ANO9: variants seen among roughly 807,000 people sequenced by gnomAD.
The protein encoded by ANO9 is anoctamin 9, also known as anoctamin-9.
Under a neutral mutation model 100.5 loss-of-function variants are expected in ANO9, and 80 were observed. The observed-to-expected ratio is 0.80, with a 90% CI of 0.66 to 0.96. ANO9 has a LOEUF of 0.96. Ranked by LOEUF, ANO9 falls within the 40% of genes least tolerant of loss-of-function variation. The pLI is 0.00. For synonymous variants in ANO9, 473 were observed against 435.6 expected (o/e 1.09, Z -1.07); for missense variants, 1,064 against 1,072.7 (o/e 0.99, Z 0.11).
chr11:440,220 A>T (rs1201739812), intron 1 of ANO9, among the ~76,000 whole-genome samples: 1 of 152,172 alleles, frequency 6.6e-6, no homozygotes, highest in Non-Finnish European at 1.5e-5. Flanking sequence ...AACTGAGTCC[A>T]GGGACTCAGT....
At chr11:438,147 G>A (rs1202094822) in intron 1 of ANO9, among the ~76,000 whole-genome samples, 1 of 152,038 alleles carries the variant, frequency 6.6e-6, no homozygotes, top group Non-Finnish European at 1.5e-5. Context: ...TCTGCAAACA[G>A]CAGGATCAGC....
At position 429,733 on chromosome 11, in the gene ANO9, G is replaced by A. The variant is rs770446555; in HGVS notation, c.832+25C>T. Reference sequence around the variant, plus strand: ...TTGGGCTGGCACTTCCCCTGGCCCCGCAGAGGCGTCCCGCAGCAACTCACC... The same window carrying A: ...TTGGGCTGGCACTTCCCCTGGCCCCACAGAGGCGTCCCGCAGCAACTCACC... On this transcript the variant is annotated intron_variant, in intron 10 of 22. Coordinates refer to ENST00000332826, the MANE Select transcript of ANO9 (RefSeq NM_001012302.3). 6.0e-5 allele frequency: 96 copies of A among 1,611,484 alleles called. No homozygotes were observed. In the South Asian group the frequency reaches 9.0e-4, roughly 15 times the overall value.
intron 1 of ANO9, among the ~76,000 whole-genome samples, chr11:441,418 G>A (rs1452781569): frequency 1.3e-5 from 2 of 152,248 alleles, no homozygotes; most frequent in East Asian, 3.9e-4. Flanking sequence ...CACCTGTGCT[G>A]GGCGGGGTCC....
intron 20 of ANO9, chr11:419,218 T>A (rs1848027624): frequency 7.0e-7 from 1 of 1,427,694 alleles, no homozygotes; most frequent in East Asian, 2.5e-5. Flanking sequence ...TGCCAGAGAC[T>A]GGCCCTGGGG....
chr11:433,160 A>G, intron 4 of ANO9, 154 bp downstream of exon 4: 1 of 986,344 alleles, frequency 1.0e-6, no homozygotes, highest in Non-Finnish European at 1.4e-6. Flanking sequence ...TCACACAGCC[A>G]GTGGGTCTCA....
chr11:419,789 AC>A, intron 19 of ANO9, 60 bp from the exon 20 acceptor site: 1 of 1,546,664 alleles, frequency 6.5e-7, no homozygotes, highest in Non-Finnish European at 8.7e-7. Context: ...TTCTGCCCTC[AC>A]CCCCACCCCC....
intron 20 of ANO9, 172 bp downstream of exon 20, chr11:419,410 C>T (rs903453116): frequency 4.2e-6 from 6 of 1,426,792 alleles, no homozygotes; most frequent in South Asian, 1.5e-5. Flanking sequence ...CAGCCCAGGG[C>T]CTGCCGTCAG....
chr11:433,899 G>A lies in ANO9; in HGVS notation c.120C>T (p.Ala40=). Reference sequence around the variant, plus strand: ...GGGGGTCTCTCTGGGTGTGACGTTGGGCCACGAGGACATAGTCCCACTGCT... The same window carrying A: ...GGGGGTCTCTCTGGGTGTGACGTTGAGCCACGAGGACATAGTCCCACTGCT... ...ASEQWDYVLV[A]QRHTQRDPRQ... is the part of the protein sequence containing the mutation. The change falls in exon 3 of 23, where the codon GCC becomes GCT. Residue 40 remains alanine (A), a synonymous_variant. Transcript: ENST00000332826. 6.4e-7 allele frequency: 1 copy of A among 1,563,898 alleles called. No homozygotes were observed. Among genetic ancestry groups the A allele is most frequent in the South Asian group, 1.2e-5 (1 of 85,048 alleles).
rs183112983 is a variant in ANO9, at chr11:437,522, G to A, written c.7-3424C>T. 3.9e-5 allele frequency among the ~76,000 whole-genome samples: 6 copies of A among 152,322 alleles called. No homozygotes were observed. In the East Asian group the frequency reaches 1.2e-3, roughly 29 times the overall value. On this transcript the variant is annotated intron_variant, in intron 1 of 22. Coordinates refer to ENST00000332826, the MANE Select transcript of ANO9 (RefSeq NM_001012302.3). ...CTCTGACTCCCTCCTTGGCCTTCCCGACAGCCCACGGACAGATACCTGCAC... is the reference window on the plus strand; with the variant it reads ...CTCTGACTCCCTCCTTGGCCTTCCCAACAGCCCACGGACAGATACCTGCAC...
Position 434,353 on chromosome 11 carries a change from A to G in ANO9, c.7-255T>C, listed in dbSNP as rs1214949139. 7.2e-5 allele frequency among the ~76,000 whole-genome samples: 11 copies of G among 152,210 alleles called. 1 individual carries two copies. Among genetic ancestry groups the G allele is most frequent in the Non-Finnish European group, 1.0e-4 (7 of 68,036 alleles). The stretch of plus-strand genomic sequence containing the variant: ...ATGCAAAAGGGAAGACGCAGCCCAC[A>G]GAGGCCAACGGGATTGCACAGAAGA... On this transcript the variant is annotated intron_variant, in intron 1 of 22. Coordinates refer to ENST00000332826, the MANE Select transcript of ANO9 (RefSeq NM_001012302.3).
rs1474907297 is a variant in ANO9 at position 441,981 on chromosome 11, AGCG to A, written c.-58_-56del. 99 of 1,587,998 alleles carry A rather than the reference AGCG, an allele frequency of 6.2e-5. No individual in the cohort carries two copies. Among genetic ancestry groups the A allele is most frequent in the Non-Finnish European group, 8.1e-5 (95 of 1,173,456 alleles). ...TTTGGCGGCCAGGAGAGTGGCTGCC[AGCG>A]GCGGGTGCTCCTACCTGACTTCCGC... On this transcript the variant is annotated 5_prime_UTR_variant, in exon 1 of 23. Transcript: ENST00000332826.
In ANO9 at chr11:433,384, G is replaced by T; in HGVS notation, c.280C>A (p.Leu94Ile). The change falls in exon 4 of 23, where the codon CTC (leucine) becomes ATC (isoleucine). Residue 94 changes from leucine to isoleucine, a missense_variant. By Grantham distance (5) the Leu-to-Ile change is conservative. Transcript: ENST00000332826. ...GGGGCAGGCCCCTCAGGCTCCAGGA[G>T]GAGAGTGCGGTACAGGCCAAAGACA... ...NSVFGLYRTL[L>I]LEPEGPAPHA... is the part of the protein sequence containing the mutation. 1 of 1,613,180 alleles carries T rather than the reference G, an allele frequency of 6.2e-7. No individual in the cohort carries two copies. The highest frequency in any genetic ancestry group is 8.5e-7 in the Non-Finnish European group (1 of 1,179,888).
intron 1 of ANO9, among the ~76,000 whole-genome samples, chr11:435,353 G>C (rs1177793128): frequency 6.6e-6 from 1 of 150,472 alleles, no homozygotes; most frequent in Non-Finnish European, 1.5e-5. Flanking sequence ...AGTCTAGTCT[G>C]GTCTAGTATA....
rs1302406811 is a variant in ANO9 at position 421,136 on chromosome 11, C to G, written c.1392+5G>C. ...GACAGGGCATGAAGCCTGGGGGTGA[C>G]TGACCTCTTCCAGCTTCCACAAGCC... On this transcript the variant is annotated splice_donor_5th_base_variant and intron_variant, in intron 16 of 22. Transcript: ENST00000332826. This position sits in a 1 kb window ranked among gnomAD's most constrained non-coding sequence, Gnocchi z 6.8. The G allele has an allele frequency of 1.3e-6, 2 of 1,569,028 alleles. No individual in the cohort carries two copies. Among genetic ancestry groups the G allele is most frequent in the Non-Finnish European group, 1.7e-6 (2 of 1,152,572 alleles).
At chr11:437,542 C>G (rs1426249663) in intron 1 of ANO9, among the ~76,000 whole-genome samples, 1 of 152,266 alleles carries the variant, frequency 6.6e-6, no homozygotes, top group African/African-American at 2.4e-5. Context: ...GGACAGATAC[C>G]TGCACTCAGG....
Position 433,936 on chromosome 11 carries a change from G to T in ANO9, c.83C>A (p.Thr28Asn). The T allele has an allele frequency of 6.4e-7, 1 of 1,560,610 alleles. No individual in the cohort carries two copies. The highest frequency in any genetic ancestry group is 8.7e-7 in the Non-Finnish European group (1 of 1,152,118). The change falls in exon 3 of 23, where the codon ACC becomes AAC. Residue 28 changes from threonine (T) to asparagine (N), a missense_variant and splice_region_variant. Thr to Asn is a moderately conservative substitution (Grantham distance 65). Transcript: ENST00000332826. ...FPLMEISTCE[T>N]EASEQWDYVL... ...ATAGTCCCACTGCTCGGAGGCCTCG[G>T]TCTGCAGGGAGGAGGCATGGGGCCA...
intron 3 of ANO9, 38 bp downstream of exon 3, chr11:433,777 G>A (rs573212675): frequency 7.4e-5 from 99 of 1,337,566 alleles, no homozygotes; most frequent in African/African-American, 1.8e-4. Context: ...CACCCGCCCC[G>A]GCCCCATGGC....
chr11:433,316 C>G lies in ANO9; in HGVS notation c.348G>C (p.Thr116=). 6.8e-6 allele frequency: 11 copies of G among 1,612,076 alleles called. No homozygotes were observed. The highest frequency in any genetic ancestry group is 8.5e-6 in the Non-Finnish European group (10 of 1,179,500). ...LAAPTTIPVT[T]SLRIRIVNFV... is the part of the protein sequence containing the mutation. The stretch of plus-strand genomic sequence containing the variant: ...CGGCTCTGGGTGCAGCCTCTCACCT[C>G]GTGGTGACCGGGATGGTGGTCGGCG... The change falls in exon 4 of 23, where the codon ACG becomes ACC. Residue 116 remains threonine (T), a splice_region_variant and synonymous_variant. Coordinates refer to ENST00000332826, the MANE Select transcript of ANO9 (RefSeq NM_001012302.3).
At chr11:435,836 ATAGTCTAGTCTAGTC>A (rs111894897) in intron 1 of ANO9, among the ~76,000 whole-genome samples, 6 of 144,304 alleles carry the variant, frequency 4.2e-5, no homozygotes, top group Admixed American at 7.0e-5. Flanking sequence ...ATAATACGGT[ATAGTCTAGTCTAGTC>A]TAGTCTAGTC....
Sources: allele counts gnomAD v4.1 joint callset (sites outside exome capture counted in the v4.1 genomes callset), GRCh38; gene constraint gnomAD v4.1.1; non-coding constraint Gnocchi (gnomAD v3.1); transcripts MANE v1.5; gene names NCBI Gene and HGNC (gene_info 2026-07-23, HGNC 2026-07-21).